KCNQ5: variants seen among roughly 807,000 people sequenced by gnomAD.
The protein encoded by KCNQ5 is potassium voltage-gated channel subfamily KQT member 5.
In KCNQ5, 30 loss-of-function variants were observed where a neutral mutation model predicts 98.2. The ratio of observed to expected loss-of-function variants is 0.31; its 90% CI spans 0.23 to 0.41. The LOEUF (loss-of-function observed/expected upper bound fraction) is 0.41. Ranked by LOEUF, KCNQ5 falls within the 10% of genes least tolerant of loss-of-function variation. KCNQ5 has a pLI of 1.00. For synonymous variants in KCNQ5, 458 were observed against 449.4 expected (o/e 1.02, Z -0.24); for missense variants, 835 against 1,182.5 (o/e 0.71, Z 4.31).
At chr6:72,986,435 A>C in intron 1 of KCNQ5, 1 of 462,972 alleles carries the variant, frequency 2.2e-6, no homozygotes, top group East Asian at 3.4e-5. Flanking sequence ...TCAAAGAACC[A>C]GAGACTCAAT....
At chr6:73,072,031 G>A (rs1279601681) in intron 3 of KCNQ5, among the ~76,000 whole-genome samples, 1 of 152,130 alleles carries the variant, frequency 6.6e-6, no homozygotes, top group Non-Finnish European at 1.5e-5. Flanking sequence ...AAAAAATGTG[G>A]TGGGAGAGGG....
chr6:72,988,556 G>A (rs774041232), intron 1 of KCNQ5, among the ~76,000 whole-genome samples: 1 of 151,852 alleles, frequency 6.6e-6, no homozygotes, highest in African/African-American at 2.4e-5. Context: ...ACTGGGTACT[G>A]TGATGACTAC....
intron 1 of KCNQ5, among the ~76,000 whole-genome samples, chr6:72,935,273 G>A (rs879494090): frequency 1.2e-4 from 18 of 151,894 alleles, no homozygotes; most frequent in South Asian, 4.2e-4. Context: ...GTTTCACCAC[G>A]TTGGCCAGGC....
rs1024756965 is a variant in KCNQ5 at position 72,649,325 on chromosome 6, A to G, written c.398+26738A>G. On this transcript the variant is annotated intron_variant, in intron 1 of 13. Transcript: ENST00000370398. ...CATGCACGTGTATGTGCACATATGC[A>G]TGATTACATAAATTTCCACAAGTTC... is the stretch of plus-strand genomic sequence containing the variant. Among the ~76,000 whole-genome samples, 80 of 152,200 alleles carry G rather than the reference A, an allele frequency of 5.3e-4. 1 individual carries two copies. The highest frequency in any genetic ancestry group is 1.9e-4 in the East Asian group (1 of 5,202).
intron 1 of KCNQ5, among the ~76,000 whole-genome samples, chr6:72,913,028 A>C (rs1780001148): frequency 6.6e-6 from 1 of 152,204 alleles, no homozygotes; most frequent in Admixed American, 6.5e-5. Context: ...CTATGTAACA[A>C]ACCTGCACAT....
At chr6:73,107,300 C>A (rs1775043609) in intron 6 of KCNQ5, among the ~76,000 whole-genome samples, 1 of 152,200 alleles carries the variant, frequency 6.6e-6, no homozygotes, top group South Asian at 2.1e-4. Flanking sequence ...TAATTCATAA[C>A]CTAGTCTTCA....
At chr6:72,740,602 T>C (rs995439076) in intron 1 of KCNQ5, among the ~76,000 whole-genome samples, 2 of 152,038 alleles carry the variant, frequency 1.3e-5, no homozygotes, top group African/African-American at 4.8e-5. Context: ...ATGGATATAG[T>C]TGAGCAATAT....
chr6:72,660,582 T>C (rs1766464558), intron 1 of KCNQ5, among the ~76,000 whole-genome samples: 2 of 152,164 alleles, frequency 1.3e-5, no homozygotes, highest in South Asian at 2.1e-4. Context: ...TCTCTTGACA[T>C]TGATGGTCCC....
chr6:72,699,302 A>C (rs1216160740), intron 1 of KCNQ5, among the ~76,000 whole-genome samples: 1 of 152,206 alleles, frequency 6.6e-6, no homozygotes, highest in African/African-American at 2.4e-5. Context: ...AATACTGTTG[A>C]TCAGACGACT....
At chr6:72,920,406 C>T (rs1260444416) in intron 1 of KCNQ5, among the ~76,000 whole-genome samples, 1 of 152,078 alleles carries the variant, frequency 6.6e-6, no homozygotes. Flanking sequence ...TGGTTTGATC[C>T]CTTTAAAAAT....
Position 72,960,963 on chromosome 6 carries a change from T to G in KCNQ5, c.399-42945T>G, listed in dbSNP as rs569123864. Among the ~76,000 whole-genome samples the G allele has an allele frequency of 6.8e-4, 104 of 152,154 alleles. 1 individual carries two copies. Among genetic ancestry groups the G allele is most frequent in the Admixed American group, 6.5e-3 (100 of 15,278 alleles). The stretch of plus-strand genomic sequence containing the variant: ...AATACACTCCAGCCTGAGGAACAGC[T>G]CATCTCTTTAAAAAAAATGCAGTTA... On this transcript the variant is annotated intron_variant, in intron 1 of 13. Coordinates refer to ENST00000370398, the MANE Select transcript of KCNQ5 (RefSeq NM_019842.4).
At chr6:72,909,862 G>C (rs1290162276) in intron 1 of KCNQ5, among the ~76,000 whole-genome samples, 2 of 152,172 alleles carry the variant, frequency 1.3e-5, no homozygotes, top group Non-Finnish European at 1.5e-5. Context: ...CATTAAGTGA[G>C]ATTAAAGATT....
chr6:73,027,238 G>A (rs1307310068), intron 2 of KCNQ5, among the ~76,000 whole-genome samples: 9 of 152,294 alleles, frequency 5.9e-5, no homozygotes, highest in African/African-American at 1.7e-4. Context: ...TAGGGCTGTG[G>A]AAATGAATCT....
At chr6:73,058,171 G>C (rs1772609751) in intron 3 of KCNQ5, among the ~76,000 whole-genome samples, 2 of 152,230 alleles carry the variant, frequency 1.3e-5, no homozygotes, top group South Asian at 4.1e-4. Context: ...CCAGCACTTT[G>C]GGAGGCCGAG....
At position 72,622,518 on chromosome 6, in the gene KCNQ5, G is replaced by A. The variant is rs867614840; in HGVS notation, c.329G>A (p.Arg110Gln). 3 of 1,607,242 alleles carry A rather than the reference G, an allele frequency of 1.9e-6. No individual in the cohort carries two copies. The highest frequency in any genetic ancestry group is 2.5e-6 in the Non-Finnish European group (3 of 1,177,204). ...TGCCGGCGCAACGTCAAGTACCGGC[G>A]GGTGCAGAACTACCTGTACAACGTG... ...QSCRRNVKYR[R>Q]VQNYLYNVLE... The change falls in exon 1 of 14, where the codon CGG becomes CAG. Residue 110 changes from arginine (R) to glutamine (Q), a missense_variant. Coordinates refer to ENST00000370398, the MANE Select transcript of KCNQ5 (RefSeq NM_019842.4). The surrounding 1 kb of genome is among the most constrained non-coding windows in gnomAD (Gnocchi z 6.0).
At chr6:72,642,779 A>C (rs1038929348) in intron 1 of KCNQ5, among the ~76,000 whole-genome samples, 5 of 152,178 alleles carry the variant, frequency 3.3e-5, no homozygotes, top group African/African-American at 1.2e-4. Flanking sequence ...AAGGAATATA[A>C]ATGGTTCTGC....
At chr6:72,898,248 A>C (rs1287159675) in intron 1 of KCNQ5, among the ~76,000 whole-genome samples, 1 of 152,044 alleles carries the variant, frequency 6.6e-6, no homozygotes, top group Non-Finnish European at 1.5e-5. Flanking sequence ...GGTTTGCTGC[A>C]TCTATCAACC....
chr6:73,064,207 T>C (rs1389338595), intron 3 of KCNQ5, among the ~76,000 whole-genome samples: 1 of 152,202 alleles, frequency 6.6e-6, no homozygotes, highest in Non-Finnish European at 1.5e-5. Flanking sequence ...ATAATCTGTA[T>C]GTCATCTGAA....
intron 1 of KCNQ5, among the ~76,000 whole-genome samples, chr6:72,714,906 G>A (rs534836736): frequency 6.6e-6 from 1 of 152,176 alleles, no homozygotes; most frequent in East Asian, 1.9e-4. Flanking sequence ...GCTAGAAATT[G>A]TTTCTAACAG....
Sources: allele counts gnomAD v4.1 joint callset (sites outside exome capture counted in the v4.1 genomes callset), GRCh38; gene constraint gnomAD v4.1.1; non-coding constraint Gnocchi (gnomAD v3.1); transcripts MANE v1.5; gene names NCBI Gene and HGNC (gene_info 2026-07-23, HGNC 2026-07-21).